BLM: variants seen among roughly 807,000 people sequenced by gnomAD.
The protein encoded by BLM is recQ-like DNA helicase BLM.
BLM carries 95 observed loss-of-function variants against 135.3 expected under a neutral mutation model. The observed-to-expected ratio is 0.70, with a 90% CI of 0.59 to 0.83. The LOEUF is 0.83. Ranked by LOEUF, BLM falls within the 40% of genes least tolerant of loss-of-function variation. The pLI is 0.00. For synonymous variants in BLM, 520 were observed against 589.2 expected, an observed-to-expected ratio of 0.88 and a Z score of 1.70; for missense variants, 1,518 against 1,663.9, an observed-to-expected ratio of 0.91 and a Z score of 1.53.
At chr15:90,741,800 G>A (rs1041321826) in intron 1 of BLM, among the ~76,000 whole-genome samples, 1 of 151,874 alleles carries the variant, frequency 6.6e-6, no homozygotes, top group Non-Finnish European at 1.5e-5. Context: ...TTTTTGCATT[G>A]GCAAGAGCAT....
rs769895470 is a variant in BLM, at chr15:90,809,161, T to C, written c.3776T>C (p.Val1259Ala). ...GAATCTTTATCTTCTGATCCTGAGG[T>C]TTTGCTTCAAATTGATGGTGTTACT... Reference protein sequence around the residue: ...LAESLSSDPEVLLQIDGVTED... With the variant: ...LAESLSSDPEALLQIDGVTED... The change falls in exon 20 of 22, where the codon GTT (valine) becomes GCT (alanine). Residue 1259 changes from valine to alanine, a missense_variant. Transcript: ENST00000355112. 1 of 1,614,170 alleles carries C rather than the reference T, an allele frequency of 6.2e-7. No individual in the cohort carries two copies. The highest frequency in any genetic ancestry group is 1.1e-5 in the South Asian group (1 of 91,084).
chr15:90,814,715 C>T (rs552567001), intron 21 of BLM, among the ~76,000 whole-genome samples: 5 of 152,304 alleles, frequency 3.3e-5, no homozygotes, highest in South Asian at 2.1e-4. Flanking sequence ...GAGCTGGGGC[C>T]TTACAGCAAG....
chr15:90,726,037 A>G (rs903497898), intron 1 of BLM, among the ~76,000 whole-genome samples: 22 of 152,124 alleles, frequency 1.4e-4, no homozygotes. Flanking sequence ...TACCCCAACA[A>G]TTTATGGGGT....
chr15:90,810,407 C>T (rs1009185864), intron 20 of BLM, among the ~76,000 whole-genome samples: 2 of 152,074 alleles, frequency 1.3e-5, no homozygotes, highest in African/African-American at 4.8e-5. Flanking sequence ...AGCCTTGTTC[C>T]GAATACATTT....
intron 12 of BLM, 23 bp downstream of exon 12, chr15:90,769,609 T>G (rs1244751672): frequency 6.2e-7 from 1 of 1,611,350 alleles, no homozygotes; most frequent in Non-Finnish European, 8.5e-7. Context: ...ACGTCACGTA[T>G]TTGAGAACCC....
At chr15:90,731,383 G>A (rs1462649509) in intron 1 of BLM, among the ~76,000 whole-genome samples, 2 of 152,148 alleles carry the variant, frequency 1.3e-5, no homozygotes, top group Admixed American at 6.6e-5. Context: ...AGTTATGCTA[G>A]CCTCACAGAA....
intron 1 of BLM, among the ~76,000 whole-genome samples, chr15:90,718,047 T>C (rs748231459): frequency 6.6e-6 from 1 of 152,176 alleles, no homozygotes; most frequent in African/African-American, 2.4e-5. Flanking sequence ...ACACTAAGTG[T>C]CTTGGTTTTC....
At chr15:90,777,173 G>A (rs1896499878) in intron 12 of BLM, among the ~76,000 whole-genome samples, 1 of 150,934 alleles carries the variant, frequency 6.6e-6, no homozygotes, top group Non-Finnish European at 1.5e-5. Context: ...TTTTGAGGGG[G>A]GTGGGGGGAA....
intron 1 of BLM, among the ~76,000 whole-genome samples, chr15:90,726,802 T>G (rs1252055015): frequency 1.3e-5 from 2 of 152,242 alleles, no homozygotes; most frequent in African/African-American, 4.8e-5. Context: ...GTTGTATAAA[T>G]GTACTATAAT....
At chr15:90,742,606 CT>C (rs547597837) in intron 1 of BLM, among the ~76,000 whole-genome samples, 51 of 150,014 alleles carry the variant, frequency 3.4e-4, no homozygotes, top group African/African-American at 1.0e-3. Flanking sequence ...CTCTCTCTCT[CT>C]TTTTTTTTTA....
In BLM at chr15:90,804,259, A is replaced by T. The variant is rs587779887; in HGVS notation, c.3651A>T (p.Lys1217Asn). ...KVSQREEMVK[K>N]CLGELTEVCK... ...CTCAGAGGGAAGAGATGGTTAAAAAATGTCTTGGAGAACTTACAGAAGTCT... is the reference window on the plus strand; with the variant it reads ...CTCAGAGGGAAGAGATGGTTAAAAATTGTCTTGGAGAACTTACAGAAGTCT... The change falls in exon 19 of 22, where the codon AAA becomes AAT. Residue 1217 changes from lysine (K) to asparagine (N), a missense_variant. This residue lies in a region of BLM where 626 missense variants were observed against 681.1 expected (regional missense o/e 0.92). Transcript: ENST00000355112. 4 of 1,614,148 alleles carry T rather than the reference A, an allele frequency of 2.5e-6. No individual in the cohort carries two copies. Among genetic ancestry groups the T allele is most frequent in the Non-Finnish European group, 2.5e-6 (3 of 1,179,970 alleles).
chr15:90,741,694 G>A lies in BLM; in HGVS notation c.-4-5695G>A, dbSNP rs1258162691. ...TTTTCTGAAGTTCTAATTATCTATT[G>A]TTATGACTGATTTTCTTTGGGTTGT... On this transcript the variant is annotated intron_variant, in intron 1 of 21. Coordinates refer to ENST00000355112, the MANE Select transcript of BLM (RefSeq NM_000057.4). Among the ~76,000 whole-genome samples, 6 of 152,046 alleles carry A rather than the reference G, an allele frequency of 3.9e-5. 1 individual carries two copies. The South Asian group carries it at 1.2e-3, about 31-fold the overall frequency.
rs1897170000 is a variant in BLM, at chr15:90,801,773, T to C, written c.3359-1748T>C. 1.3e-5 allele frequency among the ~76,000 whole-genome samples: 2 copies of C among 152,196 alleles called. 1 individual carries two copies. The highest frequency in any genetic ancestry group is 4.1e-4 in the South Asian group (2 of 4,832). On this transcript the variant is annotated intron_variant, in intron 17 of 21. Transcript: ENST00000355112. Reference sequence around the variant, plus strand: ...TGTTGCTTTTAATTATAAACCTTTCTGTCTGGGTACAGTGGCCCATGTCTG... The same window carrying C: ...TGTTGCTTTTAATTATAAACCTTTCCGTCTGGGTACAGTGGCCCATGTCTG...
chr15:90,810,708 A>T (rs1897393820), intron 20 of BLM, among the ~76,000 whole-genome samples: 1 of 152,258 alleles, frequency 6.6e-6, no homozygotes, highest in South Asian at 2.1e-4. Context: ...TGTAAAGAGT[A>T]AAATAGGATC....
intron 6 of BLM, 27 bp from the exon 7 acceptor site, chr15:90,760,567 A>G (rs770955260): frequency 6.3e-7 from 1 of 1,588,680 alleles, no homozygotes; most frequent in Non-Finnish European, 8.6e-7. Flanking sequence ...CTTATATTTA[A>G]TACGTTGTTC....
At chr15:90,787,181 C>G (rs937063048) in intron 14 of BLM, among the ~76,000 whole-genome samples, 1 of 150,262 alleles carries the variant, frequency 6.7e-6, no homozygotes, top group Non-Finnish European at 1.5e-5. Flanking sequence ...TCCCGAGTAG[C>G]TGGGACTATA....
At position 90,794,300 on chromosome 15, in the gene BLM, T is replaced by A. The variant is rs1262516507; in HGVS notation, c.3153T>A (p.Asn1051Lys). Residue 1051 changes from asparagine (N) to lysine (K), a missense_variant, in exon 16 of 22, where the codon AAT (asparagine) becomes AAA (lysine). Asn to Lys is a moderately conservative substitution (Grantham distance 94). This residue lies in a region of BLM where 626 missense variants were observed against 681.1 expected (regional missense o/e 0.92). Coordinates refer to ENST00000355112, the MANE Select transcript of BLM (RefSeq NM_000057.4). Reference protein sequence around the residue: ...LLAYFGENGFNPDFCKKHPDV... With the variant: ...LLAYFGENGFKPDFCKKHPDV... ...CCTACTTTGGTGAAAATGGATTTAA[T>A]CCTGATTTTTGTAAGAAACACCCAG... The A allele has an allele frequency of 6.2e-7, 1 of 1,605,712 alleles. No individual in the cohort carries two copies. Among genetic ancestry groups the A allele is most frequent in the Non-Finnish European group, 8.5e-7 (1 of 1,175,794 alleles).
intron 13 of BLM, among the ~76,000 whole-genome samples, chr15:90,784,377 G>T (rs1896692472): frequency 7.9e-6 from 1 of 126,104 alleles, no homozygotes; most frequent in Non-Finnish European, 1.5e-5. Context: ...TCTATCTCCA[G>T]GCAGGAGTGC....
chr15:90,777,070 T>C (rs1274868606), intron 12 of BLM, among the ~76,000 whole-genome samples: 1 of 152,050 alleles, frequency 6.6e-6, no homozygotes, highest in African/African-American at 2.4e-5. Context: ...CTTGAACTCC[T>C]GGGCTTAAGT....
Sources: gnomAD v4.1 joint callset for allele counts (sites outside exome capture counted in the v4.1 genomes callset) on GRCh38, gnomAD v4.1.1 for gene constraint, gnomAD v4.1.1 regional missense constraint, MANE v1.5 for transcripts, NCBI Gene and HGNC (gene_info 2026-07-23, HGNC 2026-07-21) for gene names.